Variants in FGF2 observed in about 807,000 individuals in gnomAD.
FGF2 encodes the protein basic fibroblast growth factor bFGF.
In FGF2, 13 loss-of-function variants were observed where a neutral mutation model predicts 15.9. That is an observed-to-expected ratio of 0.82 (90% CI 0.53 to 1.30). The LOEUF (loss-of-function observed/expected upper bound fraction) is 1.30. FGF2 is among the 50% of genes most tolerant of loss of function. The pLI is 0.00. For synonymous variants in FGF2, 90 were observed against 78.4 expected, an observed-to-expected ratio of 1.15 and a Z score of -0.78; for missense variants, 163 against 196.9, an observed-to-expected ratio of 0.83 and a Z score of 1.03.
At chr4:122,863,602 G>C (rs1726515967) in intron 1 of FGF2, among the ~76,000 whole-genome samples, 1 of 152,116 alleles carries the variant, frequency 6.6e-6, no homozygotes, top group Admixed American at 6.5e-5. Context: ...ACCCCTCCTA[G>C]AAATATTCCC....
intron 1 of FGF2, among the ~76,000 whole-genome samples, chr4:122,845,394 G>C (rs1726089480): frequency 6.6e-6 from 1 of 152,216 alleles, no homozygotes; most frequent in Non-Finnish European, 1.5e-5. Flanking sequence ...TAACAAGAGA[G>C]TCAGCCTGTC....
At chr4:122,874,494 T>C (rs986409831) in intron 1 of FGF2, among the ~76,000 whole-genome samples, 8 of 152,210 alleles carry the variant, frequency 5.3e-5, no homozygotes, top group African/African-American at 1.9e-4. Context: ...AACAAAATTC[T>C]AAGATTGTCT....
chr4:122,827,406 G>T lies in FGF2; in HGVS notation c.178+54G>T. 1 of 1,586,020 alleles carries T rather than the reference G, an allele frequency of 6.3e-7. No homozygotes were observed. The highest frequency in any genetic ancestry group is 8.6e-7 in the Non-Finnish European group (1 of 1,157,868). ...ATTTCCATTTCGTGGGTTCTCGCCCGCTCTCTCCCCTCCAGCCTGCACCCT... is the reference window on the plus strand; with the variant it reads ...ATTTCCATTTCGTGGGTTCTCGCCCTCTCTCTCCCCTCCAGCCTGCACCCT... On this transcript the variant is annotated intron_variant, in intron 1 of 2. Coordinates refer to ENST00000644866, the MANE Select transcript of FGF2 (RefSeq NM_001361665.2). This position sits in a 1 kb window ranked among gnomAD's most constrained non-coding sequence, Gnocchi z 4.2.
In FGF2 at chr4:122,893,531, T is replaced by C. The variant is rs1727254258; in HGVS notation, c.*1135T>C. ...TCTTGCTGCTCTTTTTCCCAAAAGG[T>C]AAAAATATAGATTGAAAAGTTAAAA... On this transcript the variant is annotated 3_prime_UTR_variant, in exon 3 of 3. Transcript: ENST00000644866. The C allele has an allele frequency of 4.2e-6, 1 of 237,388 alleles. No homozygotes were observed. Among genetic ancestry groups the C allele is most frequent in the Admixed American group, 5.3e-5 (1 of 18,718 alleles). 14.7% of individuals were successfully genotyped at this position (237,388 alleles called of 1,614,324 possible).
At chr4:122,861,261 T>C (rs1357961610) in intron 1 of FGF2, among the ~76,000 whole-genome samples, 7 of 152,222 alleles carry the variant, frequency 4.6e-5, no homozygotes, top group Non-Finnish European at 1.5e-5. Context: ...TTATTTCTAA[T>C]AGATTCCTTT....
At chr4:122,844,701 G>A (rs966662739) in intron 1 of FGF2, among the ~76,000 whole-genome samples, 41 of 149,546 alleles carry the variant, frequency 2.7e-4, no homozygotes, top group African/African-American at 8.2e-4. Flanking sequence ...CGGTGGTATA[G>A]TCATGGCTCC....
rs1386563271 is a variant in FGF2, at chr4:122,827,149, G to A, written c.-26G>A. On this transcript the variant is annotated 5_prime_UTR_variant, in exon 1 of 3. Coordinates refer to ENST00000644866, the MANE Select transcript of FGF2 (RefSeq NM_001361665.2). The surrounding 1 kb of genome is among the most constrained non-coding windows in gnomAD (Gnocchi z 4.2). ...CCCCGCGCGGCTCCAGCGGCTCGGG[G>A]ATCCCGGCCGGGCCCCGCAGGGACC... 164 of 1,385,804 alleles carry A rather than the reference G, an allele frequency of 1.2e-4. No individual in the cohort carries two copies. Among genetic ancestry groups the A allele is most frequent in the Non-Finnish European group, 1.5e-4 (161 of 1,067,166 alleles). 85.8% of individuals were successfully genotyped at this position (1,385,804 alleles called of 1,614,324 possible). A position where few individuals can be genotyped will look rare whatever the true frequency, so the allele number is the denominator to read the frequency against.
chr4:122,873,230 A>G (rs144321503), intron 1 of FGF2, among the ~76,000 whole-genome samples: 281 of 152,350 alleles, frequency 1.8e-3, no homozygotes, highest in African/African-American at 6.4e-3. Flanking sequence ...CCTGCTGGTC[A>G]TTGGCTTTGC....
intron 1 of FGF2, among the ~76,000 whole-genome samples, chr4:122,833,924 T>G (rs1725815153): frequency 6.6e-6 from 1 of 152,126 alleles, no homozygotes. Flanking sequence ...TCAGGAAAAA[T>G]TGTTTAGAAC....
chr4:122,870,716 TTTC>T (rs771417123), intron 1 of FGF2, among the ~76,000 whole-genome samples: 14 of 152,176 alleles, frequency 9.2e-5, no homozygotes, highest in Non-Finnish European at 1.8e-4. Flanking sequence ...TCTTCCCTCT[TTTC>T]TTCTTTATTA....
rs544339364 is a variant in FGF2 at position 122,842,469 on chromosome 4, T to G, written c.178+15117T>G. Among the ~76,000 whole-genome samples the G allele has an allele frequency of 3.3e-5, 5 of 152,350 alleles. No homozygotes were observed. In the East Asian group the frequency reaches 7.7e-4, roughly 23 times the overall value. On this transcript the variant is annotated intron_variant, in intron 1 of 2. Transcript: ENST00000644866. Reference sequence around the variant, plus strand: ...TGGGAGAGAACCAATTTGAACCACATGACAGTGAAAATGAGTTTACTGAAT... The same window carrying G: ...TGGGAGAGAACCAATTTGAACCACAGGACAGTGAAAATGAGTTTACTGAAT...
chr4:122,870,624 T>C (rs1726711426), intron 1 of FGF2, among the ~76,000 whole-genome samples: 1 of 152,206 alleles, frequency 6.6e-6, no homozygotes, highest in South Asian at 2.1e-4. Context: ...GAAGTGTTTA[T>C]TGTATTCTCT....
chr4:122,866,923 A>C (rs1726608450), intron 1 of FGF2, among the ~76,000 whole-genome samples: 1 of 152,270 alleles, frequency 6.6e-6, no homozygotes, highest in South Asian at 2.1e-4. Context: ...AAGTAAAAAC[A>C]GTCCAAATAT....
chr4:122,862,149 C>T (rs1042114164), intron 1 of FGF2, among the ~76,000 whole-genome samples: 1 of 152,200 alleles, frequency 6.6e-6, no homozygotes, highest in African/African-American at 2.4e-5. Context: ...GTACCTGGCA[C>T]ATAGCTGTTA....
chr4:122,869,500 C>T (rs934156330), intron 1 of FGF2, among the ~76,000 whole-genome samples: 2 of 152,156 alleles, frequency 1.3e-5, no homozygotes, highest in Non-Finnish European at 2.9e-5. Context: ...TTTGCATTCT[C>T]TCTTATTTCC....
chr4:122,868,444 A>G (rs770404912), intron 1 of FGF2, among the ~76,000 whole-genome samples: 7 of 152,226 alleles, frequency 4.6e-5, no homozygotes, highest in Non-Finnish European at 8.8e-5. Context: ...TGCAAAAGAC[A>G]TGATCTCATT....
chr4:122,858,663 G>GAC (rs1726389726), intron 1 of FGF2, among the ~76,000 whole-genome samples: 1 of 152,168 alleles, frequency 6.6e-6, no homozygotes, highest in Non-Finnish European at 1.5e-5. Flanking sequence ...CTCCCAAAGT[G>GAC]CTAGGGTTAC....
At chr4:122,853,183 A>T (rs7693557) in intron 1 of FGF2, among the ~76,000 whole-genome samples, 1 of 152,120 alleles carries the variant, frequency 6.6e-6, no homozygotes, top group Non-Finnish European at 1.5e-5. Context: ...CTGTGGTCCC[A>T]GCTACTTGGG....
chr4:122,893,131 T>C lies in FGF2; in HGVS notation c.*735T>C, dbSNP rs1560762230. ...TATACATATCTGACTTCCCAAAAGC[T>C]CCAGGATTTGTGTGCTGTTGCCGAA... On this transcript the variant is annotated 3_prime_UTR_variant, in exon 3 of 3. Transcript: ENST00000644866. 1 of 1,614,172 alleles carries C rather than the reference T, an allele frequency of 6.2e-7. No homozygotes were observed. The highest frequency in any genetic ancestry group is 1.1e-5 in the South Asian group (1 of 91,080).
Sources: allele counts gnomAD v4.1 joint callset (sites outside exome capture counted in the v4.1 genomes callset), GRCh38; gene constraint gnomAD v4.1.1; non-coding constraint Gnocchi (gnomAD v3.1); transcripts MANE v1.5; gene names NCBI Gene and HGNC (gene_info 2026-07-23, HGNC 2026-07-21).